Variants in RHPN1 observed in about 807,000 individuals in gnomAD.
RHPN1 encodes the protein rhophilin-1.
In RHPN1, 77 loss-of-function variants were observed where a neutral mutation model predicts 74.7. The ratio of observed to expected loss-of-function variants is 1.03; its 90% CI spans 0.86 to 1.25. The LOEUF (loss-of-function observed/expected upper bound fraction) is 1.25, where lower values mean the gene tolerates loss of function less well. Ranked by LOEUF, RHPN1 falls within the 50% of genes most tolerant of loss-of-function variation. RHPN1 has a pLI of 0.00. For missense variants in RHPN1, 987 were observed against 932.2 expected, an observed-to-expected ratio of 1.06 and a Z score of -0.77; for synonymous variants, 444 against 414.5, an observed-to-expected ratio of 1.07 and a Z score of -0.87.
In RHPN1 at chr8:143,370,520, C is replaced by T. The variant is rs1386857019; in HGVS notation, c.60+1473C>T. 2.0e-5 allele frequency among the ~76,000 whole-genome samples: 3 copies of T among 152,252 alleles called. No homozygotes were observed. In the South Asian group the frequency reaches 6.2e-4, roughly 31 times the overall value. On this transcript the variant is annotated intron_variant, in intron 1 of 14. Transcript: ENST00000289013. ...TTCAGTGGGTCAGGGGTCGGTCGTTCATCCACTTAGAGGCCACACCTGGGC... is the reference window on the plus strand; with the variant it reads ...TTCAGTGGGTCAGGGGTCGGTCGTTTATCCACTTAGAGGCCACACCTGGGC...
intron 1 of RHPN1, chr8:143,374,042 C>T: frequency 1.2e-6 from 1 of 861,388 alleles, no homozygotes; most frequent in East Asian, 1.2e-4. Flanking sequence ...GGCCTTCTGT[C>T]TAGGAAATCA....
rs576340146 is a variant in RHPN1 at position 143,380,507 on chromosome 8, C to A, written c.1217-82C>A. The A allele has an allele frequency of 7.7e-6, 10 of 1,296,424 alleles. No homozygotes were observed. The African/African-American group carries it at 1.0e-4, about 14-fold the overall frequency. 80.3% of individuals were successfully genotyped at this position (1,296,424 alleles called of 1,614,324 possible). Reference sequence around the variant, plus strand: ...AAGTGGCTGTGATGAGCCCCACAGCCCTGGCGTTGCCCACTCCTTCTGCCA... The same window carrying A: ...AAGTGGCTGTGATGAGCCCCACAGCACTGGCGTTGCCCACTCCTTCTGCCA... On this transcript the variant is annotated intron_variant, in intron 10 of 14. Coordinates refer to ENST00000289013, the MANE Select transcript of RHPN1 (RefSeq NM_052924.3).
Position 143,382,770 on chromosome 8 carries a change from T to G in RHPN1, c.*119T>G. ...GTCCCGCCTCATGCTGGAGGCTGCC[T>G]CGGGCACCTGCCTGCCCATTAAAGA... On this transcript the variant is annotated 3_prime_UTR_variant, in exon 15 of 15. Coordinates refer to ENST00000289013, the MANE Select transcript of RHPN1 (RefSeq NM_052924.3). 1 of 841,372 alleles carries G rather than the reference T, an allele frequency of 1.2e-6. No homozygotes were observed. The highest frequency in any genetic ancestry group is 1.7e-5 in the South Asian group (1 of 58,244). 52.1% of individuals were successfully genotyped at this position (841,372 alleles called of 1,614,324 possible).
intron 2 of RHPN1, among the ~76,000 whole-genome samples, chr8:143,376,143 C>T (rs543863571): frequency 6.4e-4 from 98 of 152,356 alleles, no homozygotes; most frequent in African/African-American, 2.1e-3. Flanking sequence ...CCCTGGGGAC[C>T]TCCGGTCCCT....
Position 143,378,717 on chromosome 8 carries a change from A to G in RHPN1, c.481A>G (p.Asn161Asp), listed in dbSNP as rs778005158. Residue 161 changes from asparagine to aspartate, a missense_variant, in exon 6 of 15, where the codon AAT becomes GAT. Coordinates refer to ENST00000289013, the MANE Select transcript of RHPN1 (RefSeq NM_052924.3). ...LRQAMRTPSRNESGLELLTAY... is the reference protein window; with the variant it reads ...LRQAMRTPSRDESGLELLTAY... ...GCAGGCCATGCGGACCCCCAGCCGG[A>G]ATGAGTCGGGCCTGGAGCTGCTCAC... 13 of 1,596,002 alleles carry G rather than the reference A, an allele frequency of 8.1e-6. No homozygotes were observed. In the Admixed American group the frequency reaches 2.3e-4, roughly 28 times the overall value.
chr8:143,382,816 C>T lies in RHPN1; in HGVS notation c.*165C>T, dbSNP rs1193308271. 12 of 616,290 alleles carry T rather than the reference C, an allele frequency of 1.9e-5. No homozygotes were observed. The highest frequency in any genetic ancestry group is 2.6e-5 in the Non-Finnish European group (9 of 351,952). 38.2% of individuals were successfully genotyped at this position (616,290 alleles called of 1,614,324 possible). ...AAAGACTGGTCAGACCTGTCTGAGCCCAGTGATGGGAGCTGTGGCCTCTTC... is the reference window on the plus strand; with the variant it reads ...AAAGACTGGTCAGACCTGTCTGAGCTCAGTGATGGGAGCTGTGGCCTCTTC... On this transcript the variant is annotated 3_prime_UTR_variant, in exon 15 of 15. Transcript: ENST00000289013.
chr8:143,378,412 G>A (rs1308532736), intron 5 of RHPN1, 66 bp downstream of exon 5: 10 of 1,222,578 alleles, frequency 8.2e-6, no homozygotes, highest in Non-Finnish European at 1.1e-5. Context: ...GGCTGAAGCT[G>A]AAGTCAGGAA....
chr8:143,379,444 C>T lies in RHPN1; in HGVS notation c.881C>T (p.Pro294Leu). 2 of 1,574,770 alleles carry T rather than the reference C, an allele frequency of 1.3e-6. No homozygotes were observed. The highest frequency in any genetic ancestry group is 1.2e-5 in the South Asian group (1 of 86,016). Reference protein sequence around the residue: ...AQECVFEGLSPPASMAPQDCL... With the variant: ...AQECVFEGLSLPASMAPQDCL... ...GAATGTGTGTTTGAGGGCCTCTCACCACCTGCCTCCATGGCCCCCCAAGAC... is the reference window on the plus strand; with the variant it reads ...GAATGTGTGTTTGAGGGCCTCTCACTACCTGCCTCCATGGCCCCCCAAGAC... Residue 294 changes from proline (P) to leucine (L), a missense_variant, in exon 8 of 15, where the codon CCA becomes CTA. By Grantham distance (98) the Pro-to-Leu change is moderately conservative. Transcript: ENST00000289013.
At position 143,378,356 on chromosome 8, in the gene RHPN1, T is replaced by TCCG; in HGVS notation, c.459+12_459+13insGCC. The stretch of plus-strand genomic sequence containing the variant: ...GGAGGCCCTGCGGCAGGTGTGTGGT[T>TCCG]CCCCCGCCCACCCACCCTCCTGCAG... On this transcript the variant is annotated intron_variant, in intron 5 of 14. Coordinates refer to ENST00000289013, the MANE Select transcript of RHPN1 (RefSeq NM_052924.3). 5 of 1,525,438 alleles carry TCCG rather than the reference T, an allele frequency of 3.3e-6. No homozygotes were observed. Among genetic ancestry groups the TCCG allele is most frequent in the South Asian group, 2.4e-5 (2 of 83,568 alleles). The allele number at this position is 1,525,438 out of a possible 1,614,324, so 94.5% of individuals were successfully genotyped here.
chr8:143,365,814 T>A (rs541901450), upstream of RHPN1, among the ~76,000 whole-genome samples: 1 of 148,156 alleles, frequency 6.7e-6, no homozygotes, highest in East Asian at 2.0e-4. Flanking sequence ...CTGGGCAACA[T>A]AGCGAGACCC....
rs377514172 is a variant in RHPN1 at position 143,371,252 on chromosome 8, G to A, written c.60+2205G>A. Among the ~76,000 whole-genome samples, 27 of 152,252 alleles carry A rather than the reference G, an allele frequency of 1.8e-4. No individual in the cohort carries two copies. The South Asian group carries it at 5.6e-3, about 32-fold the overall frequency. On this transcript the variant is annotated intron_variant, in intron 1 of 14. Transcript: ENST00000289013. ...CTTTGAATTCTGTTCCCTCATCAGT[G>A]GGGGGCAGAGATGGTGGGTCAGGTG...
chr8:143,382,752 C>T lies in RHPN1; in HGVS notation c.*101C>T. On this transcript the variant is annotated 3_prime_UTR_variant, in exon 15 of 15. Coordinates refer to ENST00000289013, the MANE Select transcript of RHPN1 (RefSeq NM_052924.3). ...GACCTCCGGGCAATGCCTGTCCCGC[C>T]TCATGCTGGAGGCTGCCTCGGGCAC... is the stretch of plus-strand genomic sequence containing the variant. The T allele has an allele frequency of 9.5e-7, 1 of 1,049,782 alleles. No homozygotes were observed. Among genetic ancestry groups the T allele is most frequent in the South Asian group, 1.5e-5 (1 of 64,854 alleles). The allele number at this position is 1,049,782 out of a possible 1,614,324, so 65.0% of individuals were successfully genotyped here.
At chr8:143,375,074 C>T (rs1005856755) in intron 1 of RHPN1, among the ~76,000 whole-genome samples, 10 of 152,210 alleles carry the variant, frequency 6.6e-5, no homozygotes, top group South Asian at 2.1e-4. Context: ...TTTGAGCCCA[C>T]GCCTAAACCC....
At chr8:143,380,030 C>T (rs372381689) in intron 9 of RHPN1, 32 bp from the exon 10 acceptor site, 368 of 1,547,490 alleles carry the variant, frequency 2.4e-4, no homozygotes, top group Non-Finnish European at 2.7e-4. Context: ...AAGGCCCCCC[C>T]GCGCAGGGCT....
intron 1 of RHPN1, among the ~76,000 whole-genome samples, chr8:143,372,802 G>A (rs373476142): frequency 6.3e-5 from 9 of 142,872 alleles, no homozygotes; most frequent in African/African-American, 2.4e-4. Context: ...GGATGGCGTG[G>A]GTGTCCAGCA....
rs2129646791 is a variant in RHPN1, at chr8:143,382,517, A to C, written c.1879A>C (p.Thr627Pro). The stretch of plus-strand genomic sequence containing the variant: ...GCATGGTTGCAAGACCCCGGCATCC[A>C]CGTGGGCCAGTCCCCGGCCCCTCCT... ...REHGCKTPAS[T>P]WASPRPLLNW... is the part of the protein sequence containing the mutation. Residue 627 changes from threonine to proline, a missense_variant, in exon 15 of 15, where the codon ACG becomes CCG. Coordinates refer to ENST00000289013, the MANE Select transcript of RHPN1 (RefSeq NM_052924.3). 1 of 1,610,148 alleles carries C rather than the reference A, an allele frequency of 6.2e-7. No individual in the cohort carries two copies. The highest frequency in any genetic ancestry group is 1.7e-4 in the Middle Eastern group (1 of 5,886).
Position 143,381,683 on chromosome 8 carries a change from C to T in RHPN1, c.1600C>T (p.Leu534Phe), listed in dbSNP as rs1818741735. ...CACGCTTCGGGGAGACTCGCCTGTC[C>T]TCATCGCTGCCGTCATTCCAGGGAG... Reference protein sequence around the residue: ...GLTLRGDSPVLIAAVIPGSQA... With the variant: ...GLTLRGDSPVFIAAVIPGSQA... Residue 534 changes from leucine to phenylalanine, a missense_variant, in exon 13 of 15, where the codon CTC becomes TTC. Coordinates refer to ENST00000289013, the MANE Select transcript of RHPN1 (RefSeq NM_052924.3). The T allele has an allele frequency of 1.2e-6, 2 of 1,611,520 alleles. No individual in the cohort carries two copies. Among genetic ancestry groups the T allele is most frequent in the Non-Finnish European group, 1.7e-6 (2 of 1,179,464 alleles).
chr8:143,381,755 G>C (rs371927375), intron 13 of RHPN1, 37 bp downstream of exon 13: 1 of 1,605,740 alleles, frequency 6.2e-7, no homozygotes. Context: ...CTGAGTCCTT[G>C]GTGCCAGCCA....
At position 143,379,352 on chromosome 8, in the gene RHPN1, G is replaced by A. The variant is rs375036009; in HGVS notation, c.789G>A (p.Ala263=). The A allele has an allele frequency of 7.7e-5, 124 of 1,602,424 alleles. No homozygotes were observed. Among genetic ancestry groups the A allele is most frequent in the Non-Finnish European group, 9.1e-5 (107 of 1,174,184 alleles). ...TCCTGAGGGAGAACTTCTCCCATGCGCCGAGCCCAGACATGAGCGCTGCGT... is the reference window on the plus strand; with the variant it reads ...TCCTGAGGGAGAACTTCTCCCATGCACCGAGCCCAGACATGAGCGCTGCGT... ...FSLLRENFSH[A]PSPDMSAASL... is the part of the protein sequence containing the mutation. Residue 263 remains alanine (A), a synonymous_variant, in exon 8 of 15, where the codon GCG becomes GCA. Transcript: ENST00000289013.
Sources: gnomAD v4.1 joint callset for allele counts (sites outside exome capture counted in the v4.1 genomes callset) on GRCh38, gnomAD v4.1.1 for gene constraint, MANE v1.5 for transcripts, NCBI Gene and HGNC (gene_info 2026-07-23, HGNC 2026-07-21) for gene names.